The following SLMAP variants were observed in gnomAD, a reference collection of about 807,000 sequenced individuals.
SLMAP encodes sarcolemma associated protein.
Under a neutral mutation model 128.8 loss-of-function variants are expected in SLMAP, and 44 were observed. That is an observed-to-expected ratio of 0.34 (90% confidence interval 0.27 to 0.44). The LOEUF (loss-of-function observed/expected upper bound fraction) is 0.44. Ranked by LOEUF, SLMAP falls within the 20% of genes least tolerant of loss-of-function variation. The pLI is 1.00. For missense variants in SLMAP, 787 were observed against 985.3 expected (o/e 0.80, Z 2.69); for synonymous variants, 327 against 348.8 (o/e 0.94, Z 0.70).
At chr3:57,870,800 A>G (rs917495957) in intron 13 of SLMAP, among the ~76,000 whole-genome samples, 1 of 152,348 alleles carries the variant, frequency 6.6e-6, no homozygotes, top group African/African-American at 2.4e-5. Flanking sequence ...TTATGTCAGA[A>G]TATGTTTTTA....
Position 57,922,987 on chromosome 3 carries a change from A to T in SLMAP, c.2409A>T (p.Lys803Asn), listed in dbSNP as rs1347109881. The change falls in exon 23 of 25, where the codon AAA becomes AAT. Residue 803 changes from lysine (K) to asparagine (N), a missense_variant. Physicochemically the swap from Lys to Asn is moderately conservative, Grantham distance 94 (BLOSUM62 0). This residue lies in a region of SLMAP where 715 missense variants were observed against 843.6 expected (regional missense o/e 0.85). Transcript: ENST00000671191. ...QSITDELKQCKNNLKLLREKG... is the reference protein window; with the variant it reads ...QSITDELKQCNNNLKLLREKG... ...TCACAGATGAGCTCAAACAGTGTAA[A>T]AACAACCTGAAGCTGCTCCGAGAGA... 1 of 1,614,020 alleles carries T rather than the reference A, an allele frequency of 6.2e-7. No homozygotes were observed. Among genetic ancestry groups the T allele is most frequent in the Non-Finnish European group, 8.5e-7 (1 of 1,179,982 alleles).
At chr3:57,865,082 C>T (rs1237003316) in intron 12 of SLMAP, among the ~76,000 whole-genome samples, 160 bp from the exon 13 acceptor site, 4 of 152,016 alleles carry the variant, frequency 2.6e-5, no homozygotes, top group Non-Finnish European at 4.4e-5. Flanking sequence ...TCTTCTACCT[C>T]GGGATATTTA....
At chr3:57,764,514 A>AG (rs1229738809) in intron 2 of SLMAP, among the ~76,000 whole-genome samples, 1 of 148,296 alleles carries the variant, frequency 6.7e-6, no homozygotes, top group Non-Finnish European at 1.5e-5. Context: ...AAAAAAAAAG[A>AG]AAAGAAAAGA....
At chr3:57,820,538 T>G (rs191784943) in intron 2 of SLMAP, among the ~76,000 whole-genome samples, 2 of 152,240 alleles carry the variant, frequency 1.3e-5, no homozygotes, top group African/African-American at 4.8e-5. Flanking sequence ...CCACCCCATC[T>G]CTCAGAACTG....
chr3:57,816,897 A>C (rs958465692), intron 2 of SLMAP, among the ~76,000 whole-genome samples: 3 of 152,238 alleles, frequency 2.0e-5, no homozygotes, highest in Non-Finnish European at 4.4e-5. Context: ...CAAGAGCAGC[A>C]TAAGGAAAGA....
chr3:57,811,313 A>G (rs964182383), intron 2 of SLMAP, among the ~76,000 whole-genome samples: 1 of 152,070 alleles, frequency 6.6e-6, no homozygotes, highest in Non-Finnish European at 1.5e-5. Flanking sequence ...CCCTGAAACT[A>G]CCTCAAATAA....
At chr3:57,807,998 G>T (rs1020663173) in intron 2 of SLMAP, among the ~76,000 whole-genome samples, 4 of 152,174 alleles carry the variant, frequency 2.6e-5, no homozygotes, top group Middle Eastern at 3.4e-3. Flanking sequence ...TTTAGTCTTG[G>T]GAGGGTGTAT....
chr3:57,824,514 A>G (rs948216558), intron 2 of SLMAP, among the ~76,000 whole-genome samples: 3 of 152,058 alleles, frequency 2.0e-5, no homozygotes, highest in African/African-American at 7.3e-5. Flanking sequence ...TATTGAAGAG[A>G]TGATTCTTTC....
At chr3:57,776,524 T>TCTCTC (rs1576318229) in intron 2 of SLMAP, among the ~76,000 whole-genome samples, 4 of 68,516 alleles carry the variant, frequency 5.8e-5, no homozygotes, top group Admixed American at 1.6e-4. Context: ...CTCTCTCTCT[T>TCTCTC]TTTTTTTTTT....
chr3:57,776,943 A>G (rs2082069287), intron 2 of SLMAP, among the ~76,000 whole-genome samples: 1 of 152,078 alleles, frequency 6.6e-6, no homozygotes, highest in South Asian at 2.1e-4. Context: ...TTAGCTTAAA[A>G]TCTCCTTAAA....
rs1179331421 is a variant in SLMAP at position 57,851,477 on chromosome 3, G to GT, written c.519+1674dup. 7.3e-3 allele frequency among the ~76,000 whole-genome samples: 968 copies of GT among 133,476 alleles called. 11 individuals are homozygous for GT. The highest frequency in any genetic ancestry group is 0.017 in the African/African-American group (632 of 36,756). 87.6% of individuals were successfully genotyped at this position (133,476 alleles called of 152,430 possible). A position where few individuals can be genotyped will look rare whatever the true frequency, so the allele number is the denominator to read the frequency against. ...AGAGACTGAGGTATTTTTTGTTTTT[G>GT]TTTTTTTTTTTTTGAAATGGACTTT... On this transcript the variant is annotated intron_variant, in intron 6 of 24. Coordinates refer to ENST00000671191, the MANE Select transcript of SLMAP (RefSeq NM_001377540.1).
intron 16 of SLMAP, 108 bp from the exon 17 acceptor site, chr3:57,896,765 C>T (rs566584119): frequency 8.6e-6 from 12 of 1,403,078 alleles, no homozygotes; most frequent in African/African-American, 4.3e-5. Context: ...TTCAACTACC[C>T]GAATATAATA....
chr3:57,824,371 G>A (rs765720484), intron 2 of SLMAP, among the ~76,000 whole-genome samples: 41 of 152,188 alleles, frequency 2.7e-4, no homozygotes, highest in Non-Finnish European at 4.9e-4. Context: ...AATAATGGCC[G>A]AAAAGTATTT....
At chr3:57,765,125 G>T (rs2079424527) in intron 2 of SLMAP, among the ~76,000 whole-genome samples, 1 of 152,198 alleles carries the variant, frequency 6.6e-6, no homozygotes, top group East Asian at 1.9e-4. Context: ...GCTGAGTCTG[G>T]AAGATTGCTT....
intron 2 of SLMAP, among the ~76,000 whole-genome samples, chr3:57,778,719 G>A (rs1197047931): frequency 6.6e-6 from 1 of 151,656 alleles, no homozygotes; most frequent in Non-Finnish European, 1.5e-5. Flanking sequence ...AGGACTACAG[G>A]TGCATGCCAC....
chr3:57,822,969 A>G (rs186177814), intron 2 of SLMAP, among the ~76,000 whole-genome samples: 1 of 152,326 alleles, frequency 6.6e-6, no homozygotes, highest in Non-Finnish European at 1.5e-5. Context: ...CACTTAAACA[A>G]ATGGCTGGCT....
intron 17 of SLMAP, among the ~76,000 whole-genome samples, chr3:57,902,548 A>C (rs1470725582): frequency 6.6e-6 from 1 of 152,206 alleles, no homozygotes; most frequent in Non-Finnish European, 1.5e-5. Context: ...CAGGTAAGGC[A>C]GTCAAGAGGC....
intron 14 of SLMAP, among the ~76,000 whole-genome samples, chr3:57,889,278 G>A (rs2095996732): frequency 1.3e-5 from 2 of 152,212 alleles, no homozygotes; most frequent in African/African-American, 4.8e-5. Context: ...ATGGGCATTG[G>A]GAGACTAGAG....
At chr3:57,889,180 G>A (rs895477544) in intron 14 of SLMAP, among the ~76,000 whole-genome samples, 16 of 152,172 alleles carry the variant, frequency 1.1e-4, no homozygotes, top group Non-Finnish European at 4.4e-5. Context: ...CACTGCGCAC[G>A]GCCCCTCTTT....
Sources: gnomAD v4.1 joint callset for allele counts (sites outside exome capture counted in the v4.1 genomes callset) on GRCh38, gnomAD v4.1.1 for gene constraint, gnomAD v4.1.1 regional missense constraint, MANE v1.5 for transcripts, NCBI Gene and HGNC (gene_info 2026-07-23, HGNC 2026-07-21) for gene names.